Variants in SLC6A2 observed in about 807,000 individuals in gnomAD.
The protein encoded by SLC6A2 is sodium-dependent noradrenaline transporter.
In SLC6A2, 26 loss-of-function variants were observed where a neutral mutation model predicts 71.7. The observed-to-expected ratio is 0.36, with a 90% confidence interval of 0.27 to 0.50. SLC6A2 has a LOEUF of 0.50. Among genes scored for constraint, SLC6A2 ranks in the 20% least tolerant of loss-of-function variants. The probability of loss-of-function intolerance (pLI) is 0.96; values close to 1 mark genes in which losing one functional copy is unlikely to be tolerated. For missense variants in SLC6A2, 581 were observed against 803.9 expected, an observed-to-expected ratio of 0.72 and a Z score of 3.35; for synonymous variants, 363 against 337.9, an observed-to-expected ratio of 1.07 and a Z score of -0.82.
At position 55,705,904 on chromosome 16, in the gene SLC6A2, G is replaced by A. The variant is rs554779912; in HGVS notation, c.*3558G>A. The stretch of plus-strand genomic sequence containing the variant: ...TCCAACCCTTTTGTTTTGAGGCTTT[G>A]GAGGGTAACACATTTTCATACCCTG... On this transcript the variant is annotated 3_prime_UTR_variant, in exon 15 of 15. Coordinates refer to ENST00000568943, the MANE Select transcript of SLC6A2 (RefSeq NM_001172501.3). 5 of 152,306 alleles carry A rather than the reference G, an allele frequency of 3.3e-5. No individual in the cohort carries two copies. The East Asian group carries it at 9.6e-4, about 29-fold the overall frequency. 9.4% of individuals were successfully genotyped at this position (152,306 alleles called of 1,614,324 possible).
chr16:55,702,440 C>G lies in SLC6A2; in HGVS notation c.*94C>G, dbSNP rs1966002364. ...CCTCGGACACCATCTTGGGATTCCT[C>G]CCCTGGAAGTTGTCCTTTCTGATCC... is the stretch of plus-strand genomic sequence containing the variant. On this transcript the variant is annotated 3_prime_UTR_variant, in exon 15 of 15. Coordinates refer to ENST00000568943, the MANE Select transcript of SLC6A2 (RefSeq NM_001172501.3). 3 of 1,609,846 alleles carry G rather than the reference C, an allele frequency of 1.9e-6. No homozygotes were observed. Among genetic ancestry groups the G allele is most frequent in the Non-Finnish European group, 2.5e-6 (3 of 1,177,972 alleles).
intron 2 of SLC6A2, among the ~76,000 whole-genome samples, chr16:55,665,763 C>A (rs1436760258): frequency 6.6e-6 from 1 of 152,174 alleles, no homozygotes; most frequent in Non-Finnish European, 1.5e-5. Flanking sequence ...CTAATGACCC[C>A]GGGCTTCCCT....
chr16:55,680,012 C>T (rs537862883), intron 4 of SLC6A2, among the ~76,000 whole-genome samples: 56 of 152,322 alleles, frequency 3.7e-4, no homozygotes, highest in African/African-American at 1.3e-3. Context: ...GCAGCATCTC[C>T]CTCCTCTCCA....
At chr16:55,690,053 T>C (rs1028526482) in intron 5 of SLC6A2, among the ~76,000 whole-genome samples, 11 of 152,054 alleles carry the variant, frequency 7.2e-5, no homozygotes, top group Admixed American at 5.2e-4. Context: ...ACCCACTCAT[T>C]CATCCATCCA....
At chr16:55,692,196 C>A in intron 6 of SLC6A2, 144 bp downstream of exon 6, 1 of 967,020 alleles carries the variant, frequency 1.0e-6, no homozygotes, top group Non-Finnish European at 1.6e-6. Context: ...TGAGGTGCAG[C>A]TTCCCCATCT....
At position 55,657,012 on chromosome 16, in the gene SLC6A2, C is replaced by T. The variant is rs1964473262; in HGVS notation, c.274+44C>T. The stretch of plus-strand genomic sequence containing the variant: ...TGGGAATTTGAATCTGGGAGGTCCA[C>T]TGTCTGCAGCGGTGGCTGGGACAGG... On this transcript the variant is annotated intron_variant, in intron 2 of 14. Coordinates refer to ENST00000568943, the MANE Select transcript of SLC6A2 (RefSeq NM_001172501.3). 4 of 1,601,376 alleles carry T rather than the reference C, an allele frequency of 2.5e-6. No homozygotes were observed. The South Asian group carries it at 3.3e-5, about 13-fold the overall frequency.
In SLC6A2 at chr16:55,671,921, C is replaced by A. The variant is rs1964930889; in HGVS notation, c.407-17C>A. On this transcript the variant is annotated splice_polypyrimidine_tract_variant and intron_variant, in intron 3 of 14. Coordinates refer to ENST00000568943, the MANE Select transcript of SLC6A2 (RefSeq NM_001172501.3). Reference sequence around the variant, plus strand: ...TGGGCCTGGGAGACTCCTACCTTACCCCCTGTCCCTGCCCAGGCGTTGGCT... The same window carrying A: ...TGGGCCTGGGAGACTCCTACCTTACACCCTGTCCCTGCCCAGGCGTTGGCT... 2 of 1,613,834 alleles carry A rather than the reference C, an allele frequency of 1.2e-6. No homozygotes were observed. The highest frequency in any genetic ancestry group is 1.7e-6 in the Non-Finnish European group (2 of 1,179,970).
Position 55,701,761 on chromosome 16 carries a change from C to T in SLC6A2, c.1759-102C>T. ...CCCAAATGCTATCCATGTGGGGCTG[C>T]AGGATCAAATAGCAGGTGGCCCTCA... On this transcript the variant is annotated intron_variant, in intron 13 of 14. Coordinates refer to ENST00000568943, the MANE Select transcript of SLC6A2 (RefSeq NM_001172501.3). The T allele has an allele frequency of 3.6e-6, 3 of 835,034 alleles. No individual in the cohort carries two copies. The Admixed American group carries it at 5.1e-5, about 14-fold the overall frequency. 51.7% of individuals were successfully genotyped at this position (835,034 alleles called of 1,614,324 possible).
chr16:55,670,287 C>A (rs1465340148), intron 3 of SLC6A2, among the ~76,000 whole-genome samples: 1 of 152,170 alleles, frequency 6.6e-6, no homozygotes, highest in Non-Finnish European at 1.5e-5. Flanking sequence ...CAGATGGCAA[C>A]GAGGGCCAGT....
intron 7 of SLC6A2, 48 bp downstream of exon 7, chr16:55,694,161 A>T (rs1965722904): frequency 7.5e-7 from 1 of 1,328,150 alleles, no homozygotes; most frequent in Non-Finnish European, 1.1e-6. Flanking sequence ...CTGGGGATTG[A>T]CTCTTGTTGG....
chr16:55,683,001 T>C (rs1404184330), intron 4 of SLC6A2, among the ~76,000 whole-genome samples: 1 of 152,222 alleles, frequency 6.6e-6, no homozygotes, highest in African/African-American at 2.4e-5. Flanking sequence ...CCAGATGGGC[T>C]GGCTCACAGC....
At chr16:55,666,431 G>A (rs1964752870) in intron 2 of SLC6A2, among the ~76,000 whole-genome samples, 1 of 152,232 alleles carries the variant, frequency 6.6e-6, no homozygotes, top group Non-Finnish European at 1.5e-5. Context: ...ACTTCTGCAA[G>A]AGGAGAAGGA....
intron 8 of SLC6A2, 25 bp downstream of exon 8, chr16:55,695,427 C>T (rs965885521): frequency 6.2e-7 from 1 of 1,613,548 alleles, no homozygotes; most frequent in Non-Finnish European, 8.5e-7. Context: ...CACCTGGGCC[C>T]CAGCCCACTG....
At chr16:55,701,025 A>G (rs1965957718) in intron 13 of SLC6A2, among the ~76,000 whole-genome samples, 1 of 152,184 alleles carries the variant, frequency 6.6e-6, no homozygotes, top group Non-Finnish European at 1.5e-5. Context: ...AGATGATTTC[A>G]TTCCTTCATT....
rs935704133 is a variant in SLC6A2, at chr16:55,705,918, T to A, written c.*3572T>A. 2 of 152,214 alleles carry A rather than the reference T, an allele frequency of 1.3e-5. No individual in the cohort carries two copies. The highest frequency in any genetic ancestry group is 2.9e-5 in the Non-Finnish European group (2 of 68,048). 9.4% of individuals were successfully genotyped at this position (152,214 alleles called of 1,614,324 possible). On this transcript the variant is annotated 3_prime_UTR_variant, in exon 15 of 15. Transcript: ENST00000568943. ...TTTGAGGCTTTGGAGGGTAACACAT[T>A]TTCATACCCTGTGAGTCCCAGGATC...
In SLC6A2 at chr16:55,656,557, G is replaced by C. The variant is rs1442050835; in HGVS notation, c.-51-87G>C. 3.7e-6 allele frequency: 4 copies of C among 1,078,860 alleles called. No homozygotes were observed. Among genetic ancestry groups the C allele is most frequent in the East Asian group, 4.8e-5 (2 of 41,930 alleles). The allele number at this position is 1,078,860 out of a possible 1,614,324, so 66.8% of individuals were successfully genotyped here. On this transcript the variant is annotated intron_variant, in intron 1 of 14. Transcript: ENST00000568943. This position sits in a 1 kb window ranked among gnomAD's most constrained non-coding sequence, Gnocchi z 4.5. ...GTCCGCTCAGCGCGCGCTCATCCCAGTGTCTAAGGCGCTCCCGGGTGGTCT... is the reference window on the plus strand; with the variant it reads ...GTCCGCTCAGCGCGCGCTCATCCCACTGTCTAAGGCGCTCCCGGGTGGTCT...
intron 2 of SLC6A2, among the ~76,000 whole-genome samples, chr16:55,662,844 A>G (rs36029): frequency 0.38 from 57,637 of 151,998 alleles, 11,398 homozygotes; most frequent in South Asian, 0.46. Context: ...CTTTCACTCA[A>G]CAACAACAAT....
chr16:55,695,154 GC>G, intron 7 of SLC6A2, 123 bp from the exon 8 acceptor site: 1 of 1,087,364 alleles, frequency 9.2e-7, no homozygotes, highest in Non-Finnish European at 1.4e-6. Flanking sequence ...GGCAGCAGGA[GC>G]CACTGAAGGG....
In SLC6A2 at chr16:55,696,340, G is replaced by A; in HGVS notation, c.1260+3G>A. ...TGGCGCTGGGCCTTGACAGCTCAGTGAGTGACCCTGCTTAGGATACCTATC... is the reference window on the plus strand; with the variant it reads ...TGGCGCTGGGCCTTGACAGCTCAGTAAGTGACCCTGCTTAGGATACCTATC... On this transcript the variant is annotated splice_donor_region_variant and intron_variant, in intron 9 of 14. Transcript: ENST00000568943. The A allele has an allele frequency of 6.4e-7, 1 of 1,561,254 alleles. No individual in the cohort carries two copies. Among genetic ancestry groups the A allele is most frequent in the South Asian group, 1.1e-5 (1 of 89,924 alleles).
Sources: gnomAD v4.1 joint callset for allele counts (sites outside exome capture counted in the v4.1 genomes callset) on GRCh38, gnomAD v4.1.1 for gene constraint, Gnocchi (gnomAD v3.1) non-coding constraint, MANE v1.5 for transcripts, NCBI Gene and HGNC (gene_info 2026-07-23, HGNC 2026-07-21) for gene names.